Variants in COL8A1 observed in about 807,000 individuals in gnomAD.
COL8A1 encodes the protein collagen alpha-1(VIII) chain.
A neutral mutation model predicts 42.7 loss-of-function variants in COL8A1; 21 were observed. That is an observed-to-expected ratio of 0.49 (90% CI 0.35 to 0.71). The LOEUF (loss-of-function observed/expected upper bound fraction) is 0.71, where lower values mean the gene tolerates loss of function less well. Ranked by LOEUF, COL8A1 falls within the 30% of genes least tolerant of loss-of-function variation. COL8A1 has a pLI of 0.01. For missense variants in COL8A1, 788 were observed against 962.4 expected (o/e 0.82, Z 2.40); for synonymous variants, 367 against 369.1 (o/e 0.99, Z 0.06).
chr3:99,791,918 T>C (rs953595627), intron 3 of COL8A1, among the ~76,000 whole-genome samples: 2 of 152,164 alleles, frequency 1.3e-5, no homozygotes, highest in African/African-American at 4.8e-5. Context: ...GTGACATACA[T>C]AGTAAGTAAA....
chr3:99,653,239 T>G (rs1004262571), intron 1 of COL8A1, among the ~76,000 whole-genome samples: 15 of 152,326 alleles, frequency 9.8e-5, no homozygotes, highest in African/African-American at 3.6e-4. Flanking sequence ...GCTGTCTACG[T>G]GTTGCAAATA....
At chr3:99,681,352 A>T (rs1406896221) in intron 1 of COL8A1, among the ~76,000 whole-genome samples, 4 of 152,240 alleles carry the variant, frequency 2.6e-5, no homozygotes, top group African/African-American at 4.8e-5. Flanking sequence ...GACACTTCTC[A>T]AAAGCAGACC....
chr3:99,731,061 T>C (rs1940492623), intron 1 of COL8A1, among the ~76,000 whole-genome samples: 1 of 152,110 alleles, frequency 6.6e-6, no homozygotes, highest in Non-Finnish European at 1.5e-5. Context: ...GGCCTGGTTC[T>C]GGTTGCAAAA....
chr3:99,693,795 G>A (rs1410436017), intron 1 of COL8A1, among the ~76,000 whole-genome samples: 1 of 152,148 alleles, frequency 6.6e-6, no homozygotes, highest in East Asian at 1.9e-4. Flanking sequence ...CTACAATAAT[G>A]TGCAGTAGTG....
At position 99,799,064 on chromosome 3, in the gene COL8A1, T is replaced by C. The variant is rs1942150147; in HGVS notation, c.*2928T>C. 6.6e-6 allele frequency: 1 copy of C among 152,242 alleles called. No homozygotes were observed. Among genetic ancestry groups the C allele is most frequent in the South Asian group, 2.1e-4 (1 of 4,836 alleles). The allele number at this position is 152,242 out of a possible 1,614,324, so 9.4% of individuals were successfully genotyped here. A position where few individuals can be genotyped will look rare whatever the true frequency, so the allele number is the denominator to read the frequency against. On this transcript the variant is annotated 3_prime_UTR_variant, in exon 4 of 4. Coordinates refer to ENST00000652472, the MANE Select transcript of COL8A1 (RefSeq NM_020351.4). ...AAAGAATGTCTGTAGTGGGTGACTG[T>C]TATCAAATATTTTATAGAATACAAT...
intron 1 of COL8A1, among the ~76,000 whole-genome samples, chr3:99,732,819 C>T (rs983574331): frequency 8.5e-5 from 13 of 152,138 alleles, no homozygotes; most frequent in Non-Finnish European, 1.8e-4. Flanking sequence ...GCAAGTCCCT[C>T]CCACCTATGA....
intron 1 of COL8A1, among the ~76,000 whole-genome samples, chr3:99,733,464 C>CA (rs1405599937): frequency 6.8e-6 from 1 of 147,612 alleles, no homozygotes; most frequent in Non-Finnish European, 1.5e-5. Context: ...CATGTCCCTA[C>CA]AAAGGACATG....
At chr3:99,792,462 G>A (rs899379039) in intron 3 of COL8A1, among the ~76,000 whole-genome samples, 3 of 152,302 alleles carry the variant, frequency 2.0e-5, no homozygotes, top group African/African-American at 4.8e-5. Flanking sequence ...CAGCAGCATG[G>A]GAGATCCAGA....
In COL8A1 at chr3:99,795,619, T is replaced by C. The variant is rs1942089189; in HGVS notation, c.1718T>C (p.Val573Ala). The change falls in exon 4 of 4, where the codon GTG (valine) becomes GCG (alanine). Residue 573 changes from valine to alanine, a missense_variant. Val to Ala is a moderately conservative substitution (Grantham distance 64). Transcript: ENST00000652472. ...GPPGPPGPPA[V>A]MPPTPPPQGE... ...CCAGGACCTCCAGGACCCCCAGCTG[T>C]GATGCCCCCTACACCACCACCCCAG... The C allele has an allele frequency of 6.2e-7, 1 of 1,612,648 alleles. No homozygotes were observed. Among genetic ancestry groups the C allele is most frequent in the African/African-American group, 1.3e-5 (1 of 74,734 alleles).
chr3:99,669,116 A>T (rs746530823), intron 1 of COL8A1, among the ~76,000 whole-genome samples: 1 of 136,272 alleles, frequency 7.3e-6, no homozygotes, highest in Non-Finnish European at 1.5e-5. Flanking sequence ...ACCTTGTCTT[A>T]AAAAAATTAT....
At position 99,668,161 on chromosome 3, in the gene COL8A1, A is replaced by G. The variant is rs138437614; in HGVS notation, c.-129+29497A>G. Among the ~76,000 whole-genome samples the G allele has an allele frequency of 9.0e-3, 1,377 of 152,266 alleles. 12 individuals carry two copies. The highest frequency in any genetic ancestry group is 0.015 in the Admixed American group (225 of 15,288). ...TTTTTTAAACTTTGGCAATGCTATT[A>G]TAAATAGCATTTTTAAAAACTGTCT... On this transcript the variant is annotated intron_variant, in intron 1 of 3. Transcript: ENST00000652472.
chr3:99,747,137 T>G (rs1053795833), intron 2 of COL8A1, among the ~76,000 whole-genome samples: 10 of 152,182 alleles, frequency 6.6e-5, no homozygotes, highest in Admixed American at 2.0e-4. Context: ...ATGTAACTTT[T>G]TTAATTATTT....
intron 3 of COL8A1, among the ~76,000 whole-genome samples, chr3:99,791,240 A>G (rs1941994243): frequency 6.6e-6 from 1 of 152,236 alleles, no homozygotes; most frequent in Admixed American, 6.5e-5. Flanking sequence ...ATCAGATGAA[A>G]TAAAATATAT....
At chr3:99,730,785 T>A (rs987357124) in intron 1 of COL8A1, among the ~76,000 whole-genome samples, 1 of 152,164 alleles carries the variant, frequency 6.6e-6, no homozygotes, top group African/African-American at 2.4e-5. Context: ...ACAAAAGAGC[T>A]CTCAGCGAAC....
chr3:99,715,156 G>A (rs1490126769), intron 1 of COL8A1, among the ~76,000 whole-genome samples: 1 of 152,002 alleles, frequency 6.6e-6, no homozygotes, highest in African/African-American at 2.4e-5. Context: ...TTTGAGGGAA[G>A]AGAGGTGACA....
At chr3:99,733,225 G>A (rs1321704020) in intron 1 of COL8A1, among the ~76,000 whole-genome samples, 6 of 148,300 alleles carry the variant, frequency 4.0e-5, no homozygotes, top group Admixed American at 6.8e-5. Flanking sequence ...GTATACATGT[G>A]CCATGCTGGT....
At chr3:99,770,120 G>C (rs559178543) in intron 2 of COL8A1, among the ~76,000 whole-genome samples, 7 of 152,272 alleles carry the variant, frequency 4.6e-5, no homozygotes, top group African/African-American at 1.7e-4. Context: ...GTATGGTCTA[G>C]TGTTAATTAA....
intron 1 of COL8A1, among the ~76,000 whole-genome samples, chr3:99,726,948 A>G (rs1188093237): frequency 6.6e-6 from 1 of 152,152 alleles, no homozygotes; most frequent in African/African-American, 2.4e-5. Context: ...AATTCTGTAA[A>G]GAAAGTCATT....
chr3:99,741,498 AT>A (rs1940898566), intron 1 of COL8A1, among the ~76,000 whole-genome samples: 1 of 152,154 alleles, frequency 6.6e-6, no homozygotes, highest in African/African-American at 2.4e-5. Flanking sequence ...TTATATTACA[AT>A]TTTAGTAGTC....
Sources: gnomAD v4.1 joint callset for allele counts (sites outside exome capture counted in the v4.1 genomes callset) on GRCh38, gnomAD v4.1.1 for gene constraint, MANE v1.5 for transcripts, NCBI Gene and HGNC (gene_info 2026-07-23, HGNC 2026-07-21) for gene names.